The following ERI1 variants were observed in gnomAD, a reference collection of about 807,000 sequenced individuals.
The protein encoded by ERI1 is exoribonuclease 1.
Under a neutral mutation model 39.7 loss-of-function variants are expected in ERI1, and 39 were observed. The ratio of observed to expected loss-of-function variants is 0.98; its 90% CI spans 0.76 to 1.28. The LOEUF (loss-of-function observed/expected upper bound fraction) is 1.28. Among genes scored for constraint, ERI1 ranks in the 50% most tolerant of loss-of-function variants. ERI1 has a pLI of 0.00. For synonymous variants in ERI1, 204 were observed against 149.6 expected, an observed-to-expected ratio of 1.36 and a Z score of -2.65; for missense variants, 581 against 416.9, an observed-to-expected ratio of 1.39 and a Z score of -3.43.
At chr8:9,092,800 G>A (rs746607393) in intron 3 of ERI1, among the ~76,000 whole-genome samples, 2 of 152,170 alleles carry the variant, frequency 1.3e-5, no homozygotes, top group African/African-American at 2.4e-5. Flanking sequence ...GTAACAGACC[G>A]GGTGGCTTCT....
downstream of ERI1, among the ~76,000 whole-genome samples, chr8:9,033,506 A>G (rs1459204635): frequency 1.3e-5 from 2 of 152,194 alleles, no homozygotes; most frequent in Non-Finnish European, 1.5e-5. Flanking sequence ...ATGTAATGCA[A>G]TATATAAGTT....
At chr8:9,009,357 A>G (rs935722963) in intron 2 of ERI1, among the ~76,000 whole-genome samples, 1 of 152,160 alleles carries the variant, frequency 6.6e-6, no homozygotes, top group African/African-American at 2.4e-5. Context: ...TTTCTCAGGA[A>G]TTCAGAAAGA....
intron 3 of ERI1, among the ~76,000 whole-genome samples, chr8:9,041,488 T>G (rs1034579181): frequency 1.3e-5 from 2 of 152,174 alleles, no homozygotes; most frequent in Non-Finnish European, 2.9e-5. Flanking sequence ...ATCAAACATC[T>G]TATCTGACTA....
In ERI1 at chr8:9,002,978, G is replaced by C; in HGVS notation, c.-86G>C. ...AACGCGAGCCCGGTAATTTTTCAAC[G>C]GAGAAAGGCGAGGCTTTCGGGCTCT... On this transcript the variant is annotated 5_prime_UTR_variant, in exon 1 of 7. Coordinates refer to ENST00000250263, the MANE Select transcript of ERI1 (RefSeq NM_153332.4). 6.1e-6 allele frequency: 6 copies of C among 984,162 alleles called. No individual in the cohort carries two copies. Among genetic ancestry groups the C allele is most frequent in the Non-Finnish European group, 7.9e-6 (6 of 756,958 alleles). The allele number at this position is 984,162 out of a possible 1,614,324, so 61.0% of individuals were successfully genotyped here. A position where few individuals can be genotyped will look rare whatever the true frequency, so the allele number is the denominator to read the frequency against.
At chr8:9,070,278 T>C (rs1019781636) in intron 3 of ERI1, among the ~76,000 whole-genome samples, 4 of 150,930 alleles carry the variant, frequency 2.7e-5, no homozygotes, top group African/African-American at 9.7e-5. Context: ...AAAAAGACTA[T>C]TAAAAAATAA....
At chr8:9,008,819 A>T (rs1316616897) in intron 2 of ERI1, among the ~76,000 whole-genome samples, 2 of 152,264 alleles carry the variant, frequency 1.3e-5, no homozygotes, top group East Asian at 3.8e-4. Context: ...ACTGCCAGGC[A>T]TCAAGAAAAA....
rs185665771 is a variant in ERI1, at chr8:9,095,651, G to T, written n.300-20697G>T. On this transcript the variant is annotated intron_variant and non_coding_transcript_variant, in intron 3 of 3. Transcript: ENST00000518663. ...TCCTCCCACCTTAGACTCCTGAGTAGCTGGGACTACAGGCACATGCCACCA... is the reference window on the plus strand; with the variant it reads ...TCCTCCCACCTTAGACTCCTGAGTATCTGGGACTACAGGCACATGCCACCA... 4.6e-5 allele frequency among the ~76,000 whole-genome samples: 7 copies of T among 152,140 alleles called. No individual in the cohort carries two copies. The East Asian group carries it at 1.2e-3, about 25-fold the overall frequency.
Position 9,030,605 on chromosome 8 carries a change from TATG to T in ERI1, c.*575_*577del, listed in dbSNP as rs1462459561. 6.5e-6 allele frequency: 1 copy of T among 153,436 alleles called. No homozygotes were observed. The highest frequency in any genetic ancestry group is 1.5e-5 in the Non-Finnish European group (1 of 68,812). 9.5% of individuals were successfully genotyped at this position (153,436 alleles called of 1,614,324 possible). A position where few individuals can be genotyped will look rare whatever the true frequency, so the allele number is the denominator to read the frequency against. On this transcript the variant is annotated 3_prime_UTR_variant, in exon 7 of 7. Transcript: ENST00000250263. ...CTTTTCAACTCATAATTGGAAGAATTATGATGGATTATAGGGTTTGGTTAAAAA... is the reference window on the plus strand; with the variant it reads ...CTTTTCAACTCATAATTGGAAGAATTATGGATTATAGGGTTTGGTTAAAAA...
At chr8:9,052,289 T>C (rs2117375995) in intron 3 of ERI1, among the ~76,000 whole-genome samples, 1 of 152,272 alleles carries the variant, frequency 6.6e-6, no homozygotes, top group East Asian at 1.9e-4. Flanking sequence ...CTTCCATTCT[T>C]CCGTGTCCAT....
chr8:9,055,116 C>G (rs1286843127), intron 3 of ERI1, among the ~76,000 whole-genome samples: 6 of 152,110 alleles, frequency 3.9e-5, no homozygotes, highest in Non-Finnish European at 8.8e-5. Flanking sequence ...AGCACAGCCC[C>G]GTGGTGGAAG....
At chr8:9,095,631 C>T (rs1241309736) in intron 3 of ERI1, among the ~76,000 whole-genome samples, 1 of 151,942 alleles carries the variant, frequency 6.6e-6, no homozygotes, top group Non-Finnish European at 1.5e-5. Flanking sequence ...GGTGATCCTC[C>T]CACCTTAGAC....
intron 3 of ERI1, among the ~76,000 whole-genome samples, chr8:9,013,815 G>A (rs146611547): frequency 6.6e-6 from 1 of 152,166 alleles, no homozygotes; most frequent in East Asian, 1.9e-4. Flanking sequence ...TTTGACTCTT[G>A]TTTCTCTCAC....
chr8:9,050,935 C>T (rs1478608760), intron 3 of ERI1, among the ~76,000 whole-genome samples: 1 of 152,140 alleles, frequency 6.6e-6, no homozygotes. Context: ...AGGCGTTGTT[C>T]TTTCAGTGGG....
At chr8:9,057,961 G>C (rs369837070) in intron 3 of ERI1, among the ~76,000 whole-genome samples, 20 of 152,314 alleles carry the variant, frequency 1.3e-4, no homozygotes, top group African/African-American at 4.1e-4. Context: ...AGAAGTCCAG[G>C]GGGTGGATCT....
chr8:9,068,343 C>T (rs567798480), intron 3 of ERI1, among the ~76,000 whole-genome samples: 3 of 152,312 alleles, frequency 2.0e-5, no homozygotes, highest in African/African-American at 7.2e-5. Context: ...CTTTCTCTCT[C>T]TCTCCTTTTT....
intron 3 of ERI1, among the ~76,000 whole-genome samples, chr8:9,077,542 G>A (rs1799245497): frequency 1.3e-5 from 2 of 152,192 alleles, no homozygotes; most frequent in South Asian, 4.1e-4. Flanking sequence ...CCTGGAGGGT[G>A]GTGGTGATGA....
At chr8:9,063,334 G>C (rs967294278) in intron 3 of ERI1, among the ~76,000 whole-genome samples, 1 of 152,144 alleles carries the variant, frequency 6.6e-6, no homozygotes, top group Non-Finnish European at 1.5e-5. Context: ...TAAAGAAAAA[G>C]CATTAACCTT....
intron 3 of ERI1, among the ~76,000 whole-genome samples, chr8:9,047,250 G>GT (rs1798203574): frequency 6.6e-6 from 1 of 152,178 alleles, no homozygotes; most frequent in African/African-American, 2.4e-5. Flanking sequence ...GGGACTGGGA[G>GT]TTTATAGCAG....
chr8:9,036,954 C>A (rs918495274), downstream of ERI1, among the ~76,000 whole-genome samples: 3 of 152,134 alleles, frequency 2.0e-5, no homozygotes, highest in African/African-American at 7.2e-5. Flanking sequence ...ATAGTCCCTC[C>A]CTCCCCCTTT....
Sources: allele counts gnomAD v4.1 joint callset (sites outside exome capture counted in the v4.1 genomes callset), GRCh38; gene constraint gnomAD v4.1.1; transcripts MANE v1.5; gene names NCBI Gene and HGNC (gene_info 2026-07-23, HGNC 2026-07-21).